The following NDST4 variants were observed in gnomAD, a reference collection of about 807,000 sequenced individuals.
NDST4 encodes the protein N-heparan sulfate sulfotransferase 4.
A neutral mutation model predicts 100.8 loss-of-function variants in NDST4; 63 were observed. That is an observed-to-expected ratio of 0.62 (90% confidence interval 0.51 to 0.77). The LOEUF (loss-of-function observed/expected upper bound fraction) is 0.77. NDST4 is among the 30% of genes least tolerant of loss of function. The pLI is 0.00. For synonymous variants in NDST4, 377 were observed against 361.8 expected, an observed-to-expected ratio of 1.04 and a Z score of -0.48; for missense variants, 943 against 1,018.4, an observed-to-expected ratio of 0.93 and a Z score of 1.01.
intron 4 of NDST4, among the ~76,000 whole-genome samples, chr4:114,948,234 T>C (rs139763036): frequency 7.9e-5 from 12 of 152,148 alleles, no homozygotes; most frequent in African/African-American, 2.6e-4. Context: ...TTTTAAACAT[T>C]TGGTATATGC....
At position 115,019,666 on chromosome 4, in the gene NDST4, C is replaced by T. The variant is rs112450497; in HGVS notation, c.979-42392G>A. Among the ~76,000 whole-genome samples, 1,003 of 152,168 alleles carry T rather than the reference C, an allele frequency of 6.6e-3. 14 individuals carry two copies. The highest frequency in any genetic ancestry group is 0.023 in the African/African-American group (941 of 41,556). On this transcript the variant is annotated intron_variant, in intron 2 of 13. Transcript: ENST00000264363. ...TGTGTTAGTGCCCTGGTTTCAATGG[C>T]CCCTCAAAAACCCATGTTGCAATTT...
At chr4:114,861,447 CAGATTAGTTAGGCA>C (rs1375581451) in intron 7 of NDST4, among the ~76,000 whole-genome samples, 2 of 151,750 alleles carry the variant, frequency 1.3e-5, no homozygotes, top group African/African-American at 4.8e-5. Context: ...TCTTTTTGTC[CAGATTAGTTAGGCA>C]AGATTAGTTA....
chr4:115,033,229 C>T (rs2126270820), intron 2 of NDST4, among the ~76,000 whole-genome samples: 1 of 147,456 alleles, frequency 6.8e-6, no homozygotes, highest in East Asian at 2.0e-4. Flanking sequence ...TCATGGCTCA[C>T]TGCAGCACTG....
Position 114,953,745 on chromosome 4 carries a change from GCTAA to G in NDST4, c.1222-16246_1222-16243del, listed in dbSNP as rs1256542503. 8.6e-5 allele frequency among the ~76,000 whole-genome samples: 13 copies of G among 152,030 alleles called. 1 individual carries two copies. The highest frequency in any genetic ancestry group is 1.5e-4 in the Non-Finnish European group (10 of 67,998). On this transcript the variant is annotated intron_variant, in intron 4 of 13. Coordinates refer to ENST00000264363, the MANE Select transcript of NDST4 (RefSeq NM_022569.3). Reference sequence around the variant, plus strand: ...TGCTGAACTTTTCAAGTGAGAAATGGCTAACTCATTCATTGTAATATAATATTCT... The same window carrying G: ...TGCTGAACTTTTCAAGTGAGAAATGGCTCATTCATTGTAATATAATATTCT...
At chr4:114,886,653 T>G (rs17679144) in intron 6 of NDST4, among the ~76,000 whole-genome samples, 11,338 of 152,200 alleles carry the variant, frequency 0.074, 495 homozygotes, top group East Asian at 0.13. Flanking sequence ...GTTTTGCTCA[T>G]TACCATGTAG....
intron 2 of NDST4, among the ~76,000 whole-genome samples, chr4:115,051,814 T>C (rs1251838470): frequency 4.6e-5 from 7 of 152,150 alleles, no homozygotes; most frequent in Admixed American, 2.6e-4. Flanking sequence ...GTTTTATTTT[T>C]AGTTTTTTGA....
chr4:114,971,358 T>C (rs1726510313), intron 3 of NDST4, among the ~76,000 whole-genome samples: 1 of 151,294 alleles, frequency 6.6e-6, no homozygotes, highest in African/African-American at 2.4e-5. Context: ...ACCCAATACA[T>C]AGGAAATAAA....
chr4:114,901,930 C>T (rs897917707), intron 6 of NDST4, among the ~76,000 whole-genome samples: 2 of 151,748 alleles, frequency 1.3e-5, no homozygotes, highest in African/African-American at 2.4e-5. Context: ...CTGCTTCATG[C>T]GTAGTGCAAA....
intron 6 of NDST4, among the ~76,000 whole-genome samples, chr4:114,925,349 C>T (rs1462444907): frequency 6.6e-6 from 1 of 152,132 alleles, no homozygotes; most frequent in African/African-American, 2.4e-5. Flanking sequence ...ATTACCTCAT[C>T]TATGCAGCTC....
intron 8 of NDST4, among the ~76,000 whole-genome samples, chr4:114,851,468 C>G (rs114370562): frequency 0.02 from 3,079 of 152,068 alleles, 133 homozygotes; most frequent in South Asian, 0.18. Context: ...AAAATCTAAA[C>G]GTATAGCTTA....
At chr4:115,020,576 AC>A (rs1727788052) in intron 2 of NDST4, among the ~76,000 whole-genome samples, 2 of 152,092 alleles carry the variant, frequency 1.3e-5, no homozygotes, top group Non-Finnish European at 2.9e-5. Context: ...AAACTAAAGA[AC>A]TTTTGCATGG....
chr4:115,008,014 C>T lies in NDST4; in HGVS notation c.979-30740G>A. On this transcript the variant is annotated intron_variant, in intron 2 of 13. Coordinates refer to ENST00000264363, the MANE Select transcript of NDST4 (RefSeq NM_022569.3). ...GCACTAAATTTCTTTATTTCCTTTT[C>T]AACTAAATTAGAAACCCTGGGAATG... Among the ~76,000 whole-genome samples the T allele has an allele frequency of 1.5e-5, 2 of 129,410 alleles. 1 individual carries two copies. 84.9% of individuals were successfully genotyped at this position (129,410 alleles called of 152,430 possible). A position where few individuals can be genotyped will look rare whatever the true frequency, so the allele number is the denominator to read the frequency against.
chr4:115,055,116 A>T (rs2126280645), intron 2 of NDST4, among the ~76,000 whole-genome samples: 1 of 152,262 alleles, frequency 6.6e-6, no homozygotes, highest in East Asian at 1.9e-4. Flanking sequence ...TATGCGAAGA[A>T]TCTAGGTTGT....
At chr4:114,981,088 AAT>A (rs1029635098) in intron 2 of NDST4, among the ~76,000 whole-genome samples, 2 of 152,040 alleles carry the variant, frequency 1.3e-5, no homozygotes, top group Admixed American at 6.6e-5. Context: ...TGGGGTGTGT[AAT>A]ATACCTGTAG....
intron 1 of NDST4, among the ~76,000 whole-genome samples, chr4:115,093,883 TA>T (rs1253371698): frequency 6.6e-6 from 1 of 151,488 alleles, no homozygotes; most frequent in Non-Finnish European, 1.5e-5. Flanking sequence ...GAAAAAGCAA[TA>T]AAACAATAAA....
At chr4:115,040,155 T>A (rs1303797326) in intron 2 of NDST4, among the ~76,000 whole-genome samples, 1 of 151,642 alleles carries the variant, frequency 6.6e-6, no homozygotes, top group East Asian at 1.9e-4. Flanking sequence ...TTTTAGTGAA[T>A]TTTTCTTTGA....
chr4:115,027,911 G>T (rs1728023526), intron 2 of NDST4, among the ~76,000 whole-genome samples: 1 of 151,910 alleles, frequency 6.6e-6, no homozygotes, highest in African/African-American at 2.4e-5. Flanking sequence ...AAAATAGCTG[G>T]GCGTGGTGGT....
chr4:114,906,942 G>A (rs1724962553), intron 6 of NDST4, among the ~76,000 whole-genome samples: 1 of 151,760 alleles, frequency 6.6e-6, no homozygotes, highest in South Asian at 2.1e-4. Flanking sequence ...ATAACTCTAT[G>A]TTCTTTTAGA....
chr4:115,063,220 GA>G (rs1388262836), intron 2 of NDST4, among the ~76,000 whole-genome samples: 2 of 151,838 alleles, frequency 1.3e-5, no homozygotes, highest in Non-Finnish European at 2.9e-5. Context: ...TAAAAATAAA[GA>G]AAAGACATCA....
Sources: gnomAD v4.1 joint callset for allele counts (sites outside exome capture counted in the v4.1 genomes callset) on GRCh38, gnomAD v4.1.1 for gene constraint, MANE v1.5 for transcripts, NCBI Gene and HGNC (gene_info 2026-07-23, HGNC 2026-07-21) for gene names.